CHLSN: variants seen among roughly 807,000 people sequenced by gnomAD.
CHLSN encodes protein cholesin.
the CHLSN span, chr7:1,028,472 C>T: frequency 3.0e-6 from 3 of 985,078 alleles, no homozygotes; most frequent in African/African-American, 5.3e-5. Context: ...GGTGGGAGAG[C>T]CGGGGCGGGG....
At chr7:1,116,205 G>T in the CHLSN span, among the ~76,000 whole-genome samples, 2 of 99,490 alleles carry the variant, frequency 2.0e-5, no homozygotes, top group African/African-American at 7.8e-5. Context: ...TACAGCTCTA[G>T]GGACTGGCTT....
chr7:1,022,252 C>G, the CHLSN span, among the ~76,000 whole-genome samples: 2 of 152,206 alleles, frequency 1.3e-5, no homozygotes, highest in Non-Finnish European at 2.9e-5. Context: ...TCCCCACCCA[C>G]GGGCGCCTCC....
the CHLSN span, among the ~76,000 whole-genome samples, chr7:1,038,628 C>T: frequency 8.5e-5 from 8 of 94,052 alleles, no homozygotes; most frequent in South Asian, 3.9e-4. Flanking sequence ...CCCCTCTGCC[C>T]GGCCAGCCGC....
At chr7:983,104 G>C in the CHLSN span, 35 of 962,092 alleles carry the variant, frequency 3.6e-5, no homozygotes, top group East Asian at 1.0e-3. Context: ...CCACATTCTC[G>C]GGGTGGTGGG....
the CHLSN span, chr7:1,022,900 TCTC>T: frequency 9.5e-5 from 39 of 412,180 alleles, no homozygotes; most frequent in Admixed American, 4.2e-4. Flanking sequence ...CGCGGCGACG[TCTC>T]CGCGGCGAGC....
chr7:1,097,966 T>C, the CHLSN span, among the ~76,000 whole-genome samples: 2 of 151,730 alleles, frequency 1.3e-5, no homozygotes. The surrounding 1 kb of genome is among the most constrained non-coding windows in gnomAD (Gnocchi z 4.3). Flanking sequence ...AGGAAAGAGA[T>C]GTAACAATTC....
the CHLSN span, among the ~76,000 whole-genome samples, chr7:1,126,255 G>A: frequency 1.0e-3 from 157 of 150,876 alleles, no homozygotes; most frequent in Non-Finnish European, 2.1e-3. Flanking sequence ...CAGCTACTCA[G>A]GAGGCTGAGA....
At chr7:990,682 T>A in the CHLSN span, among the ~76,000 whole-genome samples, 12 of 152,222 alleles carry the variant, frequency 7.9e-5, no homozygotes, top group African/African-American at 2.9e-4. Flanking sequence ...GAGGCTCGGC[T>A]GCGTCCGCTC....
chr7:1,002,468 TGGAGTCCTGTGGGTGG>T, the CHLSN span, among the ~76,000 whole-genome samples: 2 of 64,922 alleles, frequency 3.1e-5, no homozygotes, highest in Admixed American at 3.1e-4. Context: ...TGTGGGTGAG[TGGAGTCCTGTGGGTGG>T]GGAGTCCTGT....
the CHLSN span, among the ~76,000 whole-genome samples, chr7:978,955 G>A: frequency 2.6e-5 from 4 of 152,218 alleles, no homozygotes; most frequent in Admixed American, 6.5e-5. Flanking sequence ...GTGTCATGTG[G>A]AAGCCTGGCC....
At chr7:1,101,012 C>T in the CHLSN span, among the ~76,000 whole-genome samples, 3 of 152,208 alleles carry the variant, frequency 2.0e-5, no homozygotes, top group South Asian at 2.1e-4. Flanking sequence ...GGGAGGCTCA[C>T]GCTCCACTCA....
At chr7:1,041,604 C>T in the CHLSN span, among the ~76,000 whole-genome samples, 6 of 152,208 alleles carry the variant, frequency 3.9e-5, no homozygotes, top group African/African-American at 4.8e-5. Flanking sequence ...TCATCTGTAA[C>T]GTCAGGGTGC....
the CHLSN span, among the ~76,000 whole-genome samples, chr7:1,057,034 C>T: frequency 6.6e-5 from 10 of 151,962 alleles, no homozygotes; most frequent in East Asian, 9.7e-4. Context: ...TCCAAGGCAC[C>T]GGGTCCTGAG....
At chr7:1,019,578 G>A in the CHLSN span, among the ~76,000 whole-genome samples, 1 of 152,266 alleles carries the variant, frequency 6.6e-6, no homozygotes, top group South Asian at 2.1e-4. Context: ...GCAAACCACA[G>A]AGCGGAGGTG....
At chr7:1,064,082 C>G in the CHLSN span, among the ~76,000 whole-genome samples, 6 of 149,844 alleles carry the variant, frequency 4.0e-5, no homozygotes, top group African/African-American at 1.5e-4. Flanking sequence ...GTGTGTGCCT[C>G]AGGCAGCATA....
the CHLSN span, among the ~76,000 whole-genome samples, chr7:1,123,657 A>G: frequency 4.0e-5 from 6 of 151,574 alleles, no homozygotes; most frequent in Non-Finnish European, 5.9e-5. The surrounding 1 kb of genome is among the most constrained non-coding windows in gnomAD (Gnocchi z 4.4). Context: ...GGAAATATCC[A>G]TATTAGCAGA....
the CHLSN span, among the ~76,000 whole-genome samples, chr7:980,942 C>T: frequency 6.6e-6 from 1 of 151,986 alleles, no homozygotes; most frequent in African/African-American, 2.4e-5. Flanking sequence ...ATCCGCCCAC[C>T]TCAGCCTCCC....
At chr7:1,064,292 A>G in the CHLSN span, among the ~76,000 whole-genome samples, 1 of 152,178 alleles carries the variant, frequency 6.6e-6, no homozygotes, top group South Asian at 2.1e-4. Flanking sequence ...GGCCCTTAGC[A>G]GCCACAGAAC....
the CHLSN span, chr7:1,055,611 A>G: frequency 5.6e-6 from 2 of 354,458 alleles, no homozygotes; most frequent in South Asian, 2.1e-5. Context: ...GGTTCTGTAC[A>G]GTGCCACCGG....
Sources: gnomAD v4.1 joint callset for allele counts (sites outside exome capture counted in the v4.1 genomes callset) on GRCh38, gnomAD v4.1.1 for gene constraint, Gnocchi (gnomAD v3.1) non-coding constraint, MANE v1.5 for transcripts, NCBI Gene and HGNC (gene_info 2026-07-23, HGNC 2026-07-21) for gene names.